The following SLC2A13 variants were observed in gnomAD, a reference collection of about 807,000 sequenced individuals.
SLC2A13 encodes proton myo-inositol cotransporter.
In SLC2A13, 32 loss-of-function variants were observed where a neutral mutation model predicts 64.4. The observed-to-expected ratio is 0.50, with a 90% CI of 0.37 to 0.67. SLC2A13 has a LOEUF of 0.67. Ranked by LOEUF, SLC2A13 falls within the 30% of genes least tolerant of loss-of-function variation. The pLI is 0.00. For missense variants in SLC2A13, 743 were observed against 829.2 expected, an observed-to-expected ratio of 0.90 and a Z score of 1.28; for synonymous variants, 338 against 327.1, an observed-to-expected ratio of 1.03 and a Z score of -0.36.
chr12:39,943,846 A>C (rs1946085416), intron 4 of SLC2A13, among the ~76,000 whole-genome samples: 1 of 152,172 alleles, frequency 6.6e-6, no homozygotes, highest in Non-Finnish European at 1.5e-5. Flanking sequence ...TTGGGAGCCT[A>C]CACCATCAGC....
intron 6 of SLC2A13, among the ~76,000 whole-genome samples, chr12:39,851,694 C>T (rs181930415): frequency 4.6e-5 from 7 of 152,142 alleles, no homozygotes; most frequent in South Asian, 2.1e-4. Context: ...AGAAAAGCAG[C>T]GGAATGAAGG....
chr12:39,895,163 C>A (rs1944708654), intron 4 of SLC2A13, among the ~76,000 whole-genome samples: 1 of 151,926 alleles, frequency 6.6e-6, no homozygotes, highest in Non-Finnish European at 1.5e-5. Flanking sequence ...ATCACTGTGC[C>A]CAGCCAGAAC....
intron 7 of SLC2A13, chr12:39,819,837 TCAAAGC>T (rs1942442216): frequency 6.4e-6 from 1 of 155,438 alleles, no homozygotes; most frequent in African/African-American, 2.4e-5. Flanking sequence ...TAGCACAAAG[TCAAAGC>T]CAAAGGAACT....
At position 39,790,604 on chromosome 12, in the gene SLC2A13, T is replaced by C. The variant is rs1192348677; in HGVS notation, c.1446-25746A>G. Among the ~76,000 whole-genome samples, 13 of 142,178 alleles carry C rather than the reference T, an allele frequency of 9.1e-5. No individual in the cohort carries two copies. The East Asian group carries it at 2.8e-3, about 31-fold the overall frequency. 93.3% of individuals were successfully genotyped at this position (142,178 alleles called of 152,430 possible). ...ATGGTGTATATGTGCCACATTTTCTTAATCCAGTCTATGATTGTTGGACAT... is the reference window on the plus strand; with the variant it reads ...ATGGTGTATATGTGCCACATTTTCTCAATCCAGTCTATGATTGTTGGACAT... On this transcript the variant is annotated intron_variant, in intron 7 of 9. Coordinates refer to ENST00000280871, the MANE Select transcript of SLC2A13 (RefSeq NM_052885.4).
chr12:39,818,246 G>C (rs11173704), intron 7 of SLC2A13, among the ~76,000 whole-genome samples: 35 of 151,936 alleles, frequency 2.3e-4, no homozygotes, highest in African/African-American at 8.0e-4. Context: ...CTGAGGAGTT[G>C]ATTTTTGAAA....
intron 4 of SLC2A13, among the ~76,000 whole-genome samples, chr12:39,874,576 T>C (rs545131830): frequency 1.0e-4 from 15 of 144,598 alleles, no homozygotes; most frequent in African/African-American, 3.4e-4. Flanking sequence ...GATCACACCA[T>C]TGCACTCCAG....
intron 7 of SLC2A13, among the ~76,000 whole-genome samples, chr12:39,826,077 T>C (rs1003874623): frequency 5.9e-5 from 9 of 152,284 alleles, no homozygotes; most frequent in Admixed American, 5.9e-4. Flanking sequence ...GATTTACTTA[T>C]AATTTACTGA....
At chr12:40,011,186 G>A (rs757654784) in intron 3 of SLC2A13, among the ~76,000 whole-genome samples, 75 of 152,256 alleles carry the variant, frequency 4.9e-4, no homozygotes, top group Non-Finnish European at 9.1e-4. Context: ...CATCACCTGT[G>A]TTGAGTGTTG....
intron 4 of SLC2A13, among the ~76,000 whole-genome samples, chr12:39,923,686 A>C (rs1945659024): frequency 9.2e-6 from 1 of 109,104 alleles, no homozygotes; most frequent in Non-Finnish European, 1.9e-5. Flanking sequence ...ATATATATAT[A>C]TGCGCACGCG....
intron 7 of SLC2A13, among the ~76,000 whole-genome samples, chr12:39,804,428 G>C (rs1336240469): frequency 6.6e-6 from 1 of 152,100 alleles, no homozygotes; most frequent in African/African-American, 2.4e-5. Context: ...ATAATGGTAA[G>C]AGTTTAACAT....
At chr12:40,039,426 C>T (rs1189829766) in intron 2 of SLC2A13, among the ~76,000 whole-genome samples, 1 of 152,078 alleles carries the variant, frequency 6.6e-6, no homozygotes, top group Non-Finnish European at 1.5e-5. Flanking sequence ...TTTAGGTATA[C>T]CATTTTGCTA....
At chr12:39,829,415 T>TTG (rs1566838198) in intron 7 of SLC2A13, 1 of 73,950 alleles carries the variant, frequency 1.4e-5, no homozygotes, top group Non-Finnish European at 2.9e-5. Context: ...TTTTTTTTTT[T>TTG]CTTTTTTTTG....
chr12:39,930,727 T>C (rs1945812831), intron 4 of SLC2A13, among the ~76,000 whole-genome samples: 1 of 152,120 alleles, frequency 6.6e-6, no homozygotes, highest in Non-Finnish European at 1.5e-5. Flanking sequence ...AAAATTAAAT[T>C]CAAAATAAAA....
rs112882499 is a variant in SLC2A13 at position 40,007,157 on chromosome 12, G to A, written c.925+21144C>T. Among the ~76,000 whole-genome samples, 1,428 of 152,254 alleles carry A rather than the reference G, an allele frequency of 9.4e-3. 14 individuals carry two copies. Among genetic ancestry groups the A allele is most frequent in the African/African-American group, 0.032 (1,338 of 41,540 alleles). On this transcript the variant is annotated intron_variant, in intron 3 of 9. Transcript: ENST00000280871. ...CCTTTGCTCTGTGGCTGAGAGAAGT[G>A]CCCAATGTGAAGTGGGCACATAGAT...
At chr12:40,029,069 G>GA (rs1206990465) in intron 2 of SLC2A13, among the ~76,000 whole-genome samples, 6 of 149,726 alleles carry the variant, frequency 4.0e-5, no homozygotes, top group Non-Finnish European at 3.0e-5. Context: ...GGGCCCACAG[G>GA]AAAAAAAAAG....
chr12:39,850,382 T>TTACA (rs1566862805), intron 6 of SLC2A13, among the ~76,000 whole-genome samples: 1 of 152,192 alleles, frequency 6.6e-6, no homozygotes, highest in African/African-American at 2.4e-5. Flanking sequence ...TGCTCTGCAG[T>TTACA]TGAACTGAGC....
At chr12:39,864,956 C>G in intron 5 of SLC2A13, 74 bp from the exon 6 acceptor site, 1 of 1,359,414 alleles carries the variant, frequency 7.4e-7, no homozygotes, top group Non-Finnish European at 9.9e-7. Context: ...TTGGTAAAAA[C>G]AAACCAAAAA....
intron 7 of SLC2A13, among the ~76,000 whole-genome samples, chr12:39,774,670 A>G (rs965097224): frequency 3.7e-4 from 56 of 150,068 alleles, no homozygotes; most frequent in African/African-American, 1.3e-3. Flanking sequence ...TTTGTTAATT[A>G]CTATTATTTT....
At chr12:39,887,003 G>C (rs1434683356) in intron 4 of SLC2A13, among the ~76,000 whole-genome samples, 1 of 152,094 alleles carries the variant, frequency 6.6e-6, no homozygotes, top group Non-Finnish European at 1.5e-5. Context: ...ACATTTTAGG[G>C]TATAATTAAC....
Sources: gnomAD v4.1 joint callset for allele counts (sites outside exome capture counted in the v4.1 genomes callset) on GRCh38, gnomAD v4.1.1 for gene constraint, MANE v1.5 for transcripts, NCBI Gene and HGNC (gene_info 2026-07-23, HGNC 2026-07-21) for gene names.